PAPOLG: variants seen among roughly 807,000 people sequenced by gnomAD.
The protein encoded by PAPOLG is poly(A) polymerase gamma.
Under a neutral mutation model 99.0 loss-of-function variants are expected in PAPOLG, and 40 were observed. The observed-to-expected ratio is 0.40, with a 90% CI of 0.31 to 0.53. The LOEUF is 0.53. PAPOLG is among the 20% of genes least tolerant of loss of function. The pLI, the probability that PAPOLG is intolerant of heterozygous loss-of-function variation, is 0.41. For missense variants in PAPOLG, 675 were observed against 884.1 expected (o/e 0.76, Z 3.00); for synonymous variants, 310 against 299.3 (o/e 1.04, Z -0.37).
intron 11 of PAPOLG, among the ~76,000 whole-genome samples, 153 bp downstream of exon 11, chr2:60,782,158 G>A (rs2103801627): frequency 6.6e-6 from 1 of 152,208 alleles, no homozygotes; most frequent in Admixed American, 6.5e-5. Flanking sequence ...TTAGTAATGA[G>A]TTTTCAAAAG....
chr2:60,760,788 T>C (rs186981037), intron 2 of PAPOLG, among the ~76,000 whole-genome samples: 9 of 152,162 alleles, frequency 5.9e-5, no homozygotes, highest in Admixed American at 5.9e-4. Context: ...CCTTGTAAGG[T>C]GTTGTCAAGG....
rs143716717 is a variant in PAPOLG, at chr2:60,782,762, A to T, written c.1104A>T (p.Gln368His). The change falls in exon 12 of 22, where the codon CAA becomes CAT. Residue 368 changes from glutamine (Q) to histidine (H), a missense_variant. Transcript: ENST00000238714. ...SKLLEPPNFF[Q>H]KYRHYIVLTA... ...TACTTGAGCCACCGAATTTCTTTCA[A>T]AAGTATAGGTACGTGAAATTTTGTA... is the stretch of plus-strand genomic sequence containing the variant. 2 of 1,570,740 alleles carry T rather than the reference A, an allele frequency of 1.3e-6. No individual in the cohort carries two copies. Among genetic ancestry groups the T allele is most frequent in the Non-Finnish European group, 1.7e-6 (2 of 1,165,776 alleles).
intron 1 of PAPOLG, among the ~76,000 whole-genome samples, chr2:60,758,149 C>T (rs575390590): frequency 9.2e-5 from 14 of 152,114 alleles, no homozygotes; most frequent in Non-Finnish European, 1.9e-4. Context: ...TATTCACTTA[C>T]CGTATATATT....
At chr2:60,771,719 G>C in intron 7 of PAPOLG, 89 bp downstream of exon 7, 1 of 1,375,430 alleles carries the variant, frequency 7.3e-7, no homozygotes, top group Non-Finnish European at 9.9e-7. Context: ...TTCAGTTTTG[G>C]AGATTGGACT....
rs144234679 is a variant in PAPOLG at position 60,793,753 on chromosome 2, T to A, written c.1768+38T>A. On this transcript the variant is annotated intron_variant, in intron 18 of 21. Coordinates refer to ENST00000238714, the MANE Select transcript of PAPOLG (RefSeq NM_022894.4). ...ACTTGTATATATTAATAATTATATT[T>A]ACAAAAAATTAGCTAGGCATGGTGG... The A allele has an allele frequency of 1.1e-4, 179 of 1,565,824 alleles. No homozygotes were observed. The Middle Eastern group carries it at 1.3e-3, about 11-fold the overall frequency.
Position 60,771,544 on chromosome 2 carries a change from C to T in PAPOLG, c.518C>T (p.Ala173Val). ...IEIDLVFARLAIQTISDNLDL... is the reference protein window; with the variant it reads ...IEIDLVFARLVIQTISDNLDL... ...ATTGATCTAGTCTTTGCAAGACTGG[C>T]AATACAAACCATATCAGATAATTTA... Residue 173 changes from alanine to valine, a missense_variant, in exon 7 of 22, where the codon GCA becomes GTA. This residue lies in a region of PAPOLG where 113 missense variants were observed against 231.5 expected (regional missense o/e 0.49). Coordinates refer to ENST00000238714, the MANE Select transcript of PAPOLG (RefSeq NM_022894.4). 1 of 1,598,026 alleles carries T rather than the reference C, an allele frequency of 6.3e-7. No individual in the cohort carries two copies. The highest frequency in any genetic ancestry group is 1.8e-5 in the Admixed American group (1 of 55,178).
intron 10 of PAPOLG, 48 bp from the exon 11 acceptor site, chr2:60,781,837 C>T (rs1297106954): frequency 2.5e-6 from 4 of 1,607,026 alleles, no homozygotes; most frequent in Non-Finnish European, 3.4e-6. Flanking sequence ...GAAGTGAGAA[C>T]AACTGAAATA....
In PAPOLG at chr2:60,783,500, CTTTTTTTTTT is replaced by C. The variant is rs761205449; in HGVS notation, c.1166+310_1166+319del. 7.1e-4 allele frequency among the ~76,000 whole-genome samples: 32 copies of C among 45,360 alleles called. 1 individual carries two copies. The East Asian group carries it at 0.01, about 15-fold the overall frequency. 29.8% of individuals were successfully genotyped at this position (45,360 alleles called of 152,430 possible). On this transcript the variant is annotated intron_variant, in intron 13 of 21. Transcript: ENST00000238714. The stretch of plus-strand genomic sequence containing the variant: ...ACAGGCCTGAGCCACTTTACCCGGC[CTTTTTTTTTT>C]TTTTTTTTTTTTTTTTTTGAGAAGG...
At position 60,775,752 on chromosome 2, in the gene PAPOLG, ATACTG is replaced by A. The variant is rs955863085; in HGVS notation, c.694+632_694+636del. ...TGCATATAAAAGTTACATTTACACT[ATACTG>A]TAGTCTTTTTTTTTTTTCTTTTTTT... On this transcript the variant is annotated intron_variant, in intron 8 of 21. Coordinates refer to ENST00000238714, the MANE Select transcript of PAPOLG (RefSeq NM_022894.4). Among the ~76,000 whole-genome samples, 9 of 146,652 alleles carry A rather than the reference ATACTG, an allele frequency of 6.1e-5. No homozygotes were observed. The Admixed American group carries it at 6.2e-4, about 10-fold the overall frequency.
chr2:60,787,449 G>A (rs1300863497), intron 14 of PAPOLG, 62 bp from the exon 15 acceptor site: 21 of 1,514,390 alleles, frequency 1.4e-5, no homozygotes, highest in East Asian at 9.8e-5. Context: ...TTATGAAATA[G>A]CATCTGTAAA....
intron 8 of PAPOLG, among the ~76,000 whole-genome samples, chr2:60,779,151 G>T (rs570502538): frequency 6.6e-6 from 1 of 151,988 alleles, no homozygotes; most frequent in Admixed American, 6.6e-5. Context: ...TTATGGAGAG[G>T]TATCCAAATT....
chr2:60,781,114 G>A (rs746995323), intron 10 of PAPOLG, among the ~76,000 whole-genome samples: 12 of 152,204 alleles, frequency 7.9e-5, no homozygotes, highest in Non-Finnish European at 1.5e-4. Context: ...CCAGCTCTTT[G>A]GGAGGCCGAG....
At chr2:60,785,459 G>T (rs533687325) in intron 13 of PAPOLG, among the ~76,000 whole-genome samples, 1 of 152,128 alleles carries the variant, frequency 6.6e-6, no homozygotes, top group Non-Finnish European at 1.5e-5. Context: ...TAAATGCAAA[G>T]TCAAGCATGA....
rs1259798435 is a variant in PAPOLG at position 60,801,357 on chromosome 2, G to A, written c.*4197G>A. 1 of 151,774 alleles carries A rather than the reference G, an allele frequency of 6.6e-6. No individual in the cohort carries two copies. The highest frequency in any genetic ancestry group is 1.9e-4 in the East Asian group (1 of 5,268). The allele number at this position is 151,774 out of a possible 1,614,324, so 9.4% of individuals were successfully genotyped here. On this transcript the variant is annotated 3_prime_UTR_variant, in exon 22 of 22. Transcript: ENST00000238714. ...TTTAAATTGGTCATAGTAGCAAATA[G>A]TGCAGATGATGGAAGAAAACCAGTC...
chr2:60,786,242 T>G (rs1011647087), intron 13 of PAPOLG, among the ~76,000 whole-genome samples: 1 of 152,090 alleles, frequency 6.6e-6, no homozygotes, highest in Admixed American at 6.5e-5. Flanking sequence ...ATTTATTTAT[T>G]TATTTAGAGA....
At position 60,797,151 on chromosome 2, in the gene PAPOLG, T is replaced by C; in HGVS notation, c.2202T>C (p.Leu734=). ...TCAAAAATTCCATTCGACTGACCCT[T>C]AATCGGTAAAAGCAGTGCCTCCTCA... The part of the protein sequence containing the change: ...RVIKNSIRLT[L]NR The change falls in exon 22 of 22, where the codon CTT becomes CTC. Residue 734 remains leucine, a synonymous_variant. Transcript: ENST00000238714. 1 of 1,614,044 alleles carries C rather than the reference T, an allele frequency of 6.2e-7. No homozygotes were observed. The highest frequency in any genetic ancestry group is 2.2e-5 in the East Asian group (1 of 44,870).
At position 60,794,201 on chromosome 2, in the gene PAPOLG, C is replaced by T. The variant is rs771843732; in HGVS notation, c.1989+10C>T. The stretch of plus-strand genomic sequence containing the variant: ...GAAAGACGTAGAAAAGGTAAAGTTA[C>T]AACTTTAGTGGTAATTCAGTAGTTG... On this transcript the variant is annotated intron_variant, in intron 19 of 21. Transcript: ENST00000238714. The T allele has an allele frequency of 1.2e-6, 2 of 1,607,256 alleles. No homozygotes were observed. Among genetic ancestry groups the T allele is most frequent in the Non-Finnish European group, 1.7e-6 (2 of 1,174,960 alleles).
intron 13 of PAPOLG, 82 bp from the exon 14 acceptor site, chr2:60,786,865 T>C: frequency 2.0e-6 from 3 of 1,501,752 alleles, no homozygotes; most frequent in Non-Finnish European, 2.7e-6. Flanking sequence ...GCTTCGTAGT[T>C]AATATGCTGT....
chr2:60,761,501 A>G (rs1670520220), intron 2 of PAPOLG, among the ~76,000 whole-genome samples: 1 of 152,142 alleles, frequency 6.6e-6, no homozygotes, highest in Non-Finnish European at 1.5e-5. Context: ...GGCTTTTTGA[A>G]TTTTTGAAAA....
Sources: allele counts gnomAD v4.1 joint callset (sites outside exome capture counted in the v4.1 genomes callset), GRCh38; gene constraint gnomAD v4.1.1; regional missense constraint gnomAD v4.1.1; transcripts MANE v1.5; gene names NCBI Gene and HGNC (gene_info 2026-07-23, HGNC 2026-07-21).